LARGE1: variants seen among roughly 807,000 people sequenced by gnomAD.
The protein encoded by LARGE1 is LARGE xylosyl- and glucuronyltransferase 1.
Under a neutral mutation model 87.6 loss-of-function variants are expected in LARGE1, and 43 were observed. That is an observed-to-expected ratio of 0.49 (90% CI 0.38 to 0.63). LARGE1 has a LOEUF of 0.63. Among genes scored for constraint, LARGE1 ranks in the 30% least tolerant of loss-of-function variants. The pLI is 0.00. For missense variants in LARGE1, 802 were observed against 1,000.2 expected (o/e 0.80, Z 2.67); for synonymous variants, 434 against 394.6 (o/e 1.10, Z -1.18).
chr22:33,450,865 T>C (rs191194508), intron 6 of LARGE1, among the ~76,000 whole-genome samples: 26 of 152,236 alleles, frequency 1.7e-4, no homozygotes, highest in African/African-American at 6.3e-4. Flanking sequence ...AATTAATAGC[T>C]AGAATGGGGT....
intron 2 of LARGE1, among the ~76,000 whole-genome samples, chr22:33,751,354 G>A (rs1434579713): frequency 1.3e-5 from 2 of 151,980 alleles, no homozygotes; most frequent in East Asian, 3.9e-4. Flanking sequence ...GGTGGCACAC[G>A]CCTGTAATCC....
At chr22:33,562,784 G>C (rs894944693) in intron 6 of LARGE1, 23 of 152,458 alleles carry the variant, frequency 1.5e-4, no homozygotes, top group African/African-American at 5.3e-4. Context: ...TGATTTCCTA[G>C]CTACAGCTCT....
In LARGE1 at chr22:33,396,346, GACTCACTTTT is replaced by G. The variant is rs71733294; in HGVS notation, c.893-12052_893-12043del. On this transcript the variant is annotated intron_variant, in intron 7 of 14. Transcript: ENST00000397394. ...AAAATCCCCTGCTGATTTTACCTGG[GACTCACTTTT>G]GATCATATAAATGAAAAGGTTCTGT... Among the ~76,000 whole-genome samples, 1,347 of 152,232 alleles carry G rather than the reference GACTCACTTTT, an allele frequency of 8.8e-3. 19 individuals are homozygous for G. The highest frequency in any genetic ancestry group is 0.031 in the African/African-American group (1,275 of 41,512).
chr22:33,642,578 G>GAC (rs2080471398), intron 3 of LARGE1, among the ~76,000 whole-genome samples: 1 of 151,896 alleles, frequency 6.6e-6, no homozygotes, highest in Non-Finnish European at 1.5e-5. Context: ...TCAGTTAAAA[G>GAC]ACACAGACTG....
chr22:33,420,613 A>G (rs2147567560), intron 7 of LARGE1, among the ~76,000 whole-genome samples: 1 of 152,306 alleles, frequency 6.6e-6, no homozygotes, highest in South Asian at 2.1e-4. Flanking sequence ...AAAAAGCACA[A>G]GAAGGAAGAC....
At chr22:33,478,435 G>A (rs987009763) in intron 6 of LARGE1, among the ~76,000 whole-genome samples, 1 of 152,172 alleles carries the variant, frequency 6.6e-6, no homozygotes, top group African/African-American at 2.4e-5. Context: ...AAATAGTCTG[G>A]GAAACAACAC....
the LARGE1 span, among the ~76,000 whole-genome samples, chr22:33,116,741 A>G: frequency 1.3e-5 from 2 of 152,182 alleles, no homozygotes. Flanking sequence ...ACAAAAGGGA[A>G]CATGATTTTT....
intron 6 of LARGE1, among the ~76,000 whole-genome samples, chr22:33,478,908 G>A (rs1007318333): frequency 6.6e-5 from 10 of 152,118 alleles, no homozygotes; most frequent in South Asian, 2.1e-4. Context: ...GTTGGGTACC[G>A]GGGGACTTAG....
intron 1 of LARGE1, among the ~76,000 whole-genome samples, chr22:33,786,124 TTG>T (rs1481428985): frequency 6.6e-6 from 1 of 152,102 alleles, no homozygotes; most frequent in African/African-American, 2.4e-5. Flanking sequence ...AAGAAGTACA[TTG>T]TCTTTTGGGC....
intron 6 of LARGE1, among the ~76,000 whole-genome samples, chr22:33,540,015 A>C: frequency 6.6e-6 from 1 of 152,152 alleles, no homozygotes; most frequent in South Asian, 2.1e-4. Flanking sequence ...CATCTGCACC[A>C]CTGGCAGTGG....
chr22:33,173,823 G>C (rs1922711737), intron 11 of LARGE1, among the ~76,000 whole-genome samples: 1 of 152,070 alleles, frequency 6.6e-6, no homozygotes, highest in Admixed American at 6.6e-5. Context: ...CAATACAAGA[G>C]CACCCAGATT....
chr22:33,104,814 A>G, the LARGE1 span, among the ~76,000 whole-genome samples: 1 of 152,146 alleles, frequency 6.6e-6, no homozygotes, highest in African/African-American at 2.4e-5. Context: ...TACAGTTCCC[A>G]GTCTCAAAAA....
chr22:33,751,713 T>A (rs568193188), intron 2 of LARGE1, among the ~76,000 whole-genome samples: 1 of 152,174 alleles, frequency 6.6e-6, no homozygotes, highest in South Asian at 2.1e-4. Context: ...TGCTCAATAC[T>A]GAGAGTAATT....
At chr22:33,915,394 C>A (rs2065756623) in intron 1 of LARGE1, among the ~76,000 whole-genome samples, 1 of 151,954 alleles carries the variant, frequency 6.6e-6, no homozygotes, top group Non-Finnish European at 1.5e-5. Context: ...CTACCCAGAG[C>A]ATATCTGATA....
chr22:33,592,055 G>A (rs2078854697), intron 5 of LARGE1, among the ~76,000 whole-genome samples: 2 of 130,762 alleles, frequency 1.5e-5, no homozygotes, highest in South Asian at 2.8e-4. Context: ...AAAAGAAAGA[G>A]GAGAGGAGAA....
chr22:33,122,792 T>G, the LARGE1 span, among the ~76,000 whole-genome samples: 1 of 152,210 alleles, frequency 6.6e-6, no homozygotes, highest in African/African-American at 2.4e-5. Flanking sequence ...CTGGCCACAT[T>G]TTCTTGCATA....
At chr22:33,886,028 C>CAATAAATA (rs563644263) in intron 1 of LARGE1, among the ~76,000 whole-genome samples, 3,186 of 151,598 alleles carry the variant, frequency 0.021, 123 homozygotes, top group African/African-American at 0.074. Flanking sequence ...AGACTCTGGT[C>CAATAAATA]AATAAATAAA....
chr22:33,420,635 C>G (rs945820268), intron 7 of LARGE1, among the ~76,000 whole-genome samples: 2 of 152,198 alleles, frequency 1.3e-5, no homozygotes, highest in South Asian at 2.1e-4. Context: ...GTTTCTCCCC[C>G]ACAATAACCA....
At chr22:33,542,162 C>CAAAAAAAAAA (rs150998193) in intron 6 of LARGE1, among the ~76,000 whole-genome samples, 3 of 92,656 alleles carry the variant, frequency 3.2e-5, no homozygotes, top group South Asian at 4.7e-4. Context: ...AACTCTGTCT[C>CAAAAAAAAAA]AAAAAAAAAA....
Sources: allele counts gnomAD v4.1 joint callset (sites outside exome capture counted in the v4.1 genomes callset), GRCh38; gene constraint gnomAD v4.1.1; transcripts MANE v1.5; gene names NCBI Gene and HGNC (gene_info 2026-07-23, HGNC 2026-07-21).